The following GNL1 variants were observed in gnomAD, a reference collection of about 807,000 sequenced individuals.
The protein encoded by GNL1 is guanine nucleotide-binding protein-like 1.
In GNL1, 21 loss-of-function variants were observed where a neutral mutation model predicts 75.2. The ratio of observed to expected loss-of-function variants is 0.28; its 90% CI spans 0.20 to 0.40. The LOEUF is 0.40. Ranked by LOEUF, GNL1 falls within the 10% of genes least tolerant of loss-of-function variation. GNL1 has a pLI of 1.00. For missense variants in GNL1, 579 were observed against 775.0 expected, an observed-to-expected ratio of 0.75 and a Z score of 3.00; for synonymous variants, 287 against 303.4, an observed-to-expected ratio of 0.95 and a Z score of 0.56.
chr6:30,555,087 A>G lies in GNL1; in HGVS notation c.344T>C (p.Leu115Pro). ...LQPVSAELLE[L>P]DIREVYQPGS... is the part of the protein sequence containing the mutation. ...AGGCTGATACACCTCCCGGATGTCCAGCTCCAACAACTCAGCACTGACCGG... is the reference window on the plus strand; with the variant it reads ...AGGCTGATACACCTCCCGGATGTCCGGCTCCAACAACTCAGCACTGACCGG... Residue 115 changes from leucine (L) to proline (P), a missense_variant, in exon 3 of 12, where the codon CTG becomes CCG. Physicochemically the swap from Leu to Pro is moderately conservative, Grantham distance 98 (BLOSUM62 -3). Coordinates refer to ENST00000376621, the MANE Select transcript of GNL1 (RefSeq NM_005275.5). This position sits in a 1 kb window ranked among gnomAD's most constrained non-coding sequence, Gnocchi z 4.3. The G allele has an allele frequency of 6.2e-7, 1 of 1,612,834 alleles. No individual in the cohort carries two copies. The highest frequency in any genetic ancestry group is 8.5e-7 in the Non-Finnish European group (1 of 1,179,960).
At position 30,545,022 on chromosome 6, in the gene GNL1, CGA is replaced by C. The variant is rs1271585994; in HGVS notation, c.*1048_*1049del. 4.6e-5 allele frequency: 7 copies of C among 152,268 alleles called. No homozygotes were observed. The East Asian group carries it at 1.3e-3, about 29-fold the overall frequency. The allele number at this position is 152,268 out of a possible 1,614,324, so 9.4% of individuals were successfully genotyped here. ...GCAAAGCCTAAGGTGCCCTGACTCA[CGA>C]GAGAGCTGATTTCTGCCGAAATGCT... On this transcript the variant is annotated 3_prime_UTR_variant, in exon 12 of 12. Transcript: ENST00000376621.
In GNL1 at chr6:30,548,723, G is replaced by A. The variant is rs1008559657; in HGVS notation, c.1100-1193C>T. ...TGGCTAAGAAAAGATGTACCACTGT[G>A]CTCACTCTTTACAACACATGCAAGT... On this transcript the variant is annotated intron_variant, in intron 8 of 11. Transcript: ENST00000376621. The surrounding 1 kb of genome is among the most constrained non-coding windows in gnomAD (Gnocchi z 4.2). 2.6e-5 allele frequency among the ~76,000 whole-genome samples: 4 copies of A among 152,114 alleles called. No individual in the cohort carries two copies. The highest frequency in any genetic ancestry group is 1.3e-4 in the Admixed American group (2 of 15,270).
chr6:30,554,954 T>C (rs1457702962), intron 3 of GNL1, 39 bp from the exon 4 acceptor site: 1 of 1,611,732 alleles, frequency 6.2e-7, no homozygotes, highest in Non-Finnish European at 8.5e-7. Context: ...GAGGAAATCT[T>C]CAGGATTCAA....
chr6:30,547,303 C>T lies in GNL1; in HGVS notation c.1279-29G>A. 6.3e-7 allele frequency: 1 copy of T among 1,581,518 alleles called. No individual in the cohort carries two copies. Among genetic ancestry groups the T allele is most frequent in the Non-Finnish European group, 8.6e-7 (1 of 1,163,466 alleles). On this transcript the variant is annotated intron_variant, in intron 9 of 11. Transcript: ENST00000376621. This position sits in a 1 kb window ranked among gnomAD's most constrained non-coding sequence, Gnocchi z 5.5. ...AGGGAAATGAGCACTCAGTACTTTC[C>T]TCAATGTCCCACCTTCTCTCTTTCC...
Position 30,555,803 on chromosome 6 carries a change from TC to T in GNL1, c.74-84del. 1 of 1,389,454 alleles carries T rather than the reference TC, an allele frequency of 7.2e-7. No individual in the cohort carries two copies. Among genetic ancestry groups the T allele is most frequent in the Non-Finnish European group, 1.0e-6 (1 of 1,000,246 alleles). The allele number at this position is 1,389,454 out of a possible 1,614,324, so 86.1% of individuals were successfully genotyped here. On this transcript the variant is annotated intron_variant, in intron 1 of 11. Coordinates refer to ENST00000376621, the MANE Select transcript of GNL1 (RefSeq NM_005275.5). This position sits in a 1 kb window ranked among gnomAD's most constrained non-coding sequence, Gnocchi z 4.3. Reference sequence around the variant, plus strand: ...TCTCCCCCATCGGCCTGACTCCCTTTCATCCCACTCAACTTCTTCCGATGTT... The same window carrying T: ...TCTCCCCCATCGGCCTGACTCCCTTTATCCCACTCAACTTCTTCCGATGTT...
rs145007051 is a variant in GNL1, at chr6:30,553,546, G to A, written c.612C>T (p.Phe204=). 5,420 of 1,611,572 alleles carry A rather than the reference G, an allele frequency of 3.4e-3. 107 individuals carry two copies. The South Asian group carries it at 0.042, about 12-fold the overall frequency. Residue 204 remains phenylalanine, a synonymous_variant, in exon 6 of 12, where the codon TTC becomes TTT. Coordinates refer to ENST00000376621, the MANE Select transcript of GNL1 (RefSeq NM_005275.5). ...ITDIRHPVVN[F]PPALYEYVTG... is the part of the protein sequence containing the mutation. ...TCACATACTCATAAAGTGCTGGCGG[G>A]AAATTCACAACCTAGGACAGAGTTG...
rs1462109346 is a variant in GNL1 at position 30,556,119 on chromosome 6, TC to T, written c.73+11del. Reference sequence around the variant, plus strand: ...CCCGAGCCCCGCCCCCTCCTCCCGCTCCCGCACTGACCTCTCTTCCGCTCCC... The same window carrying T: ...CCCGAGCCCCGCCCCCTCCTCCCGCTCCGCACTGACCTCTCTTCCGCTCCC... On this transcript the variant is annotated intron_variant, in intron 1 of 11. Transcript: ENST00000376621. The surrounding 1 kb of genome is among the most constrained non-coding windows in gnomAD (Gnocchi z 5.7). The T allele has an allele frequency of 1.3e-6, 2 of 1,599,176 alleles. No homozygotes were observed. Among genetic ancestry groups the T allele is most frequent in the Admixed American group, 3.3e-5 (2 of 60,008 alleles).
Position 30,556,384 on chromosome 6 carries a change from A to T in GNL1, c.-181T>A. 1 of 649,752 alleles carries T rather than the reference A, an allele frequency of 1.5e-6. No individual in the cohort carries two copies. Among genetic ancestry groups the T allele is most frequent in the Non-Finnish European group, 2.7e-6 (1 of 375,738 alleles). 40.2% of individuals were successfully genotyped at this position (649,752 alleles called of 1,614,324 possible). The stretch of plus-strand genomic sequence containing the variant: ...GGCGGCGATGGAAGGCGGACGGGGG[A>T]GATATAGTCACTTCCCTCCAGGAGC... On this transcript the variant is annotated 5_prime_UTR_variant, in exon 1 of 12. Transcript: ENST00000376621. This position sits in a 1 kb window ranked among gnomAD's most constrained non-coding sequence, Gnocchi z 5.7.
chr6:30,543,044 C>G lies in GNL1; in HGVS notation c.*3028G>C, dbSNP rs1026298492. 1.3e-5 allele frequency: 2 copies of G among 152,410 alleles called. No individual in the cohort carries two copies. Among genetic ancestry groups the G allele is most frequent in the Non-Finnish European group, 2.9e-5 (2 of 68,094 alleles). 9.4% of individuals were successfully genotyped at this position (152,410 alleles called of 1,614,324 possible). ...TCTCCTCTGCCCAGAATGCAATTTC[C>G]CTGTCTGGCTAACTCCTGTCCAGCA... On this transcript the variant is annotated 3_prime_UTR_variant, in exon 12 of 12. Transcript: ENST00000376621.
rs1264931665 is a variant in GNL1 at position 30,552,194 on chromosome 6, T to C, written c.1099+273A>G. 4 of 458,310 alleles carry C rather than the reference T, an allele frequency of 8.7e-6. No homozygotes were observed. The highest frequency in any genetic ancestry group is 1.5e-5 in the Non-Finnish European group (4 of 258,508). The allele number at this position is 458,310 out of a possible 1,614,324, so 28.4% of individuals were successfully genotyped here. A position where few individuals can be genotyped will look rare whatever the true frequency, so the allele number is the denominator to read the frequency against. On this transcript the variant is annotated intron_variant, in intron 8 of 11. Coordinates refer to ENST00000376621, the MANE Select transcript of GNL1 (RefSeq NM_005275.5). The surrounding 1 kb of genome is among the most constrained non-coding windows in gnomAD (Gnocchi z 4.5). ...ATCCATTCTTTTACTCAGGTATCAA[T>C]GTCCTTATTTTTAAAATCAAAGTAA...
chr6:30,556,356 C>G lies in GNL1; in HGVS notation c.-153G>C. ...CGGGCGGGCCCGACAGAATTACCGC[C>G]GCGGCGGCGATGGAAGGCGGACGGG... On this transcript the variant is annotated 5_prime_UTR_variant, in exon 1 of 12. Transcript: ENST00000376621. The surrounding 1 kb of genome is among the most constrained non-coding windows in gnomAD (Gnocchi z 5.7). The G allele has an allele frequency of 1.3e-6, 1 of 795,844 alleles. No individual in the cohort carries two copies. Among genetic ancestry groups the G allele is most frequent in the Non-Finnish European group, 2.0e-6 (1 of 498,252 alleles). 49.3% of individuals were successfully genotyped at this position (795,844 alleles called of 1,614,324 possible).
At chr6:30,550,871 T>G (rs1562707684) in intron 8 of GNL1, among the ~76,000 whole-genome samples, 2 of 152,160 alleles carry the variant, frequency 1.3e-5, no homozygotes, top group Non-Finnish European at 2.9e-5. Flanking sequence ...TTCCCCACAG[T>G]TCTGAATGGC....
In GNL1 at chr6:30,541,583, TGAAG is replaced by T. The variant is rs1799168402; in HGVS notation, c.*4485_*4488del. On this transcript the variant is annotated 3_prime_UTR_variant, in exon 12 of 12. Transcript: ENST00000376621. ...CAGGCAATTTCAGAGTGCTTCAAGA[TGAAG>T]GCGCAAAGCAGCCTCTCAGCCTGCA... 1 of 152,204 alleles carries T rather than the reference TGAAG, an allele frequency of 6.6e-6. No homozygotes were observed. Among genetic ancestry groups the T allele is most frequent in the African/African-American group, 2.4e-5 (1 of 41,430 alleles). The allele number at this position is 152,204 out of a possible 1,614,324, so 9.4% of individuals were successfully genotyped here. A position where few individuals can be genotyped will look rare whatever the true frequency, so the allele number is the denominator to read the frequency against.
chr6:30,554,712 A>G (rs561800609), intron 4 of GNL1, 52 bp downstream of exon 4: 6 of 1,603,650 alleles, frequency 3.7e-6, no homozygotes, highest in African/African-American at 2.7e-5. Context: ...TCCCAAACCA[A>G]TTTGACCATA....
Position 30,555,798 on chromosome 6 carries a change from C to A in GNL1, c.74-78G>T, listed in dbSNP as rs1274250329. 1.4e-6 allele frequency: 2 copies of A among 1,416,904 alleles called. No homozygotes were observed. Among genetic ancestry groups the A allele is most frequent in the Non-Finnish European group, 2.0e-6 (2 of 1,022,194 alleles). The allele number at this position is 1,416,904 out of a possible 1,614,324, so 87.8% of individuals were successfully genotyped here. A position where few individuals can be genotyped will look rare whatever the true frequency, so the allele number is the denominator to read the frequency against. On this transcript the variant is annotated intron_variant, in intron 1 of 11. Coordinates refer to ENST00000376621, the MANE Select transcript of GNL1 (RefSeq NM_005275.5). This position sits in a 1 kb window ranked among gnomAD's most constrained non-coding sequence, Gnocchi z 4.3. ...GACCCTCTCCCCCATCGGCCTGACTCCCTTTCATCCCACTCAACTTCTTCC... is the reference window on the plus strand; with the variant it reads ...GACCCTCTCCCCCATCGGCCTGACTACCTTTCATCCCACTCAACTTCTTCC...
At position 30,552,826 on chromosome 6, in the gene GNL1, A is replaced by T. The variant is rs150890159; in HGVS notation, c.905-165T>A. On this transcript the variant is annotated intron_variant, in intron 7 of 11. Coordinates refer to ENST00000376621, the MANE Select transcript of GNL1 (RefSeq NM_005275.5). The surrounding 1 kb of genome is among the most constrained non-coding windows in gnomAD (Gnocchi z 4.5). ...AATCTCCCAAAAGTCATTTGACCCTACCCTCCCTGGAATCACGCACGTTTC... is the reference window on the plus strand; with the variant it reads ...AATCTCCCAAAAGTCATTTGACCCTTCCCTCCCTGGAATCACGCACGTTTC... Among the ~76,000 whole-genome samples, 4 of 152,098 alleles carry T rather than the reference A, an allele frequency of 2.6e-5. No individual in the cohort carries two copies. Among genetic ancestry groups the T allele is most frequent in the African/African-American group, 9.6e-5 (4 of 41,462 alleles).
Position 30,546,180 on chromosome 6 carries a change from C to T in GNL1, c.1716G>A (p.Arg572=), listed in dbSNP as rs763235193. The stretch of plus-strand genomic sequence containing the variant: ...CCCCTTCTCCCTCCTCATCCGCATC[C>T]CGGTCCTCCTCTCCCTCCTCCTCAC... ...SSCEEEGEED[R]DADEEGEGDE... is the part of the protein sequence containing the mutation. The change falls in exon 12 of 12, where the codon CGG becomes CGA. Residue 572 remains arginine, a synonymous_variant. Transcript: ENST00000376621. The surrounding 1 kb of genome is among the most constrained non-coding windows in gnomAD (Gnocchi z 5.1). 90 of 1,553,566 alleles carry T rather than the reference C, an allele frequency of 5.8e-5. No homozygotes were observed. The highest frequency in any genetic ancestry group is 1.6e-4 in the African/African-American group (12 of 73,434).
rs1799458268 is a variant in GNL1 at position 30,546,437 on chromosome 6, A to ATAGGAAG, written c.1583-125_1583-124insCTTCCTA. 1 of 704,308 alleles carries ATAGGAAG rather than the reference A, an allele frequency of 1.4e-6. No individual in the cohort carries two copies. The highest frequency in any genetic ancestry group is 2.4e-6 in the Non-Finnish European group (1 of 411,180). The allele number at this position is 704,308 out of a possible 1,614,324, so 43.6% of individuals were successfully genotyped here. A position where few individuals can be genotyped will look rare whatever the true frequency, so the allele number is the denominator to read the frequency against. On this transcript the variant is annotated intron_variant, in intron 11 of 11. Transcript: ENST00000376621. This position sits in a 1 kb window ranked among gnomAD's most constrained non-coding sequence, Gnocchi z 5.1. ...TCTTTAGAGCTGCTGGCATTCATTC[A>ATAGGAAG]TTCATCCATTCATTCAACTTCCTAT...
chr6:30,546,140 T>A lies in GNL1; in HGVS notation c.1756A>T (p.Thr586Ser), dbSNP rs778090797. ...EEGEGDEETP[T>S]SAPGSSLAGR... ...GCCAGGCTGGACCCTGGAGCCGAGG[T>A]TGGGGTCTCCTCATCCCCTTCTCCC... Residue 586 changes from threonine to serine, a missense_variant, in exon 12 of 12, where the codon ACC becomes TCC. By Grantham distance (58) the Thr-to-Ser change is moderately conservative. Transcript: ENST00000376621. This position sits in a 1 kb window ranked among gnomAD's most constrained non-coding sequence, Gnocchi z 5.1. The A allele has an allele frequency of 3.8e-6, 6 of 1,569,758 alleles. No homozygotes were observed. The Middle Eastern group carries it at 5.0e-4, about 131-fold the overall frequency.
Sources: gnomAD v4.1 joint callset for allele counts (sites outside exome capture counted in the v4.1 genomes callset) on GRCh38, gnomAD v4.1.1 for gene constraint, Gnocchi (gnomAD v3.1) non-coding constraint, MANE v1.5 for transcripts, NCBI Gene and HGNC (gene_info 2026-07-23, HGNC 2026-07-21) for gene names.